The following MBD5 variants were observed in gnomAD, a reference collection of about 807,000 sequenced individuals.
The protein encoded by MBD5 is methyl-CpG-binding domain protein 5.
MBD5 carries 13 observed loss-of-function variants against 117.3 expected under a neutral mutation model. The observed-to-expected ratio is 0.11, with a 90% confidence interval of 0.07 to 0.18. The LOEUF (loss-of-function observed/expected upper bound fraction) is 0.18. Ranked by LOEUF, MBD5 falls within the 10% of genes least tolerant of loss-of-function variation. The pLI is 1.00. For missense variants in MBD5, 1,879 were observed against 2,093.8 expected (o/e 0.90, Z 2.00); for synonymous variants, 727 against 766.4 (o/e 0.95, Z 0.85).
At chr2:148,381,158 T>G (rs149005508) in intron 4 of MBD5, among the ~76,000 whole-genome samples, 28,690 of 151,844 alleles carry the variant, frequency 0.19, 3,696 homozygotes, top group East Asian at 0.53. Flanking sequence ...CTTCAGAAGA[T>G]CAAACTACTC....
chr2:148,028,557 A>C (rs1693960856), intron 1 of MBD5: 1 of 152,064 alleles, frequency 6.6e-6, no homozygotes, highest in Non-Finnish European at 1.5e-5. Flanking sequence ...TTGGCCATCA[A>C]CTAACTTAAT....
chr2:148,497,056 A>G (rs1222154254), intron 11 of MBD5, among the ~76,000 whole-genome samples: 1 of 151,526 alleles, frequency 6.6e-6, no homozygotes, highest in African/African-American at 2.4e-5. Context: ...TTTTAAAAAC[A>G]TATATATTAT....
At chr2:148,479,804 T>C (rs1681092048) in intron 8 of MBD5, among the ~76,000 whole-genome samples, 1 of 151,718 alleles carries the variant, frequency 6.6e-6, no homozygotes, top group Non-Finnish European at 1.5e-5. Flanking sequence ...CCAAATATTA[T>C]ACCACTTGAC....
intron 3 of MBD5, among the ~76,000 whole-genome samples, chr2:148,327,186 G>T (rs576104969): frequency 7.9e-5 from 12 of 152,206 alleles, no homozygotes; most frequent in African/African-American, 2.7e-4. Flanking sequence ...CTGGCTTGTA[G>T]AGTTTCTGCC....
chr2:148,343,387 G>A (rs1466294286), intron 4 of MBD5, among the ~76,000 whole-genome samples: 15 of 151,968 alleles, frequency 9.9e-5, no homozygotes, highest in African/African-American at 1.4e-4. Context: ...TTACATTCCC[G>A]CCAACAGTAT....
chr2:148,303,755 A>G (rs1056283542), intron 3 of MBD5, among the ~76,000 whole-genome samples: 2 of 152,272 alleles, frequency 1.3e-5, no homozygotes, highest in Non-Finnish European at 2.9e-5. Context: ...ACATCACAAT[A>G]TACAGCATGT....
At chr2:148,400,473 T>C (rs1158480542) in intron 4 of MBD5, among the ~76,000 whole-genome samples, 1 of 152,238 alleles carries the variant, frequency 6.6e-6, no homozygotes, top group Non-Finnish European at 1.5e-5. Flanking sequence ...AAACTGGTTA[T>C]AATGAGATCC....
At chr2:148,239,874 T>G (rs1293785209) in intron 3 of MBD5, among the ~76,000 whole-genome samples, 5 of 152,152 alleles carry the variant, frequency 3.3e-5, no homozygotes, top group Non-Finnish European at 5.9e-5. Context: ...ATTTTTCGAT[T>G]TTTTGTAGAA....
intron 1 of MBD5, among the ~76,000 whole-genome samples, chr2:148,093,258 G>A (rs1018870428): frequency 2.0e-5 from 3 of 152,104 alleles, no homozygotes; most frequent in Non-Finnish European, 4.4e-5. Context: ...TATGCAAACA[G>A]GCAACTTACA....
intron 1 of MBD5, among the ~76,000 whole-genome samples, chr2:148,135,342 A>C (rs1697146559): frequency 6.6e-6 from 1 of 152,178 alleles, no homozygotes; most frequent in Non-Finnish European, 1.5e-5. Flanking sequence ...TTCCCCCTGA[A>C]GATTTCCCTC....
chr2:148,326,081 A>C (rs1460959663), intron 3 of MBD5, among the ~76,000 whole-genome samples: 1 of 151,976 alleles, frequency 6.6e-6, no homozygotes, highest in African/African-American at 2.4e-5. Flanking sequence ...TTCTGCCTTC[A>C]TTTCGTTATG....
At chr2:148,098,542 C>T (rs974545547) in intron 1 of MBD5, among the ~76,000 whole-genome samples, 1 of 151,996 alleles carries the variant, frequency 6.6e-6, no homozygotes, top group African/African-American at 2.4e-5. Flanking sequence ...TGACGGAGCC[C>T]GGTGGACAGT....
Position 148,516,101 on chromosome 2 carries a change from A to G in MBD5, c.*3160A>G, listed in dbSNP as rs1357059299. The G allele has an allele frequency of 6.6e-6, 1 of 152,154 alleles. No individual in the cohort carries two copies. The highest frequency in any genetic ancestry group is 1.5e-5 in the Non-Finnish European group (1 of 68,026). The allele number at this position is 152,154 out of a possible 1,614,324, so 9.4% of individuals were successfully genotyped here. On this transcript the variant is annotated 3_prime_UTR_variant, in exon 14 of 14. Transcript: ENST00000642680. ...TTCTTATTTGAACGTAACACTGCAG[A>G]ATTGCAGGAAGAGAAAAGGGCAGTT...
chr2:148,472,820 T>G (rs1680839031), intron 8 of MBD5, among the ~76,000 whole-genome samples: 1 of 152,178 alleles, frequency 6.6e-6, no homozygotes, highest in Non-Finnish European at 1.5e-5. Context: ...GTCAAGTACC[T>G]TTTATGTACC....
At chr2:148,228,666 A>G (rs1699902483) in intron 2 of MBD5, among the ~76,000 whole-genome samples, 1 of 152,184 alleles carries the variant, frequency 6.6e-6, no homozygotes, top group Admixed American at 6.5e-5. Context: ...GTTGATTGGA[A>G]TAGTTTCAGA....
chr2:148,265,461 T>C (rs1408344232), intron 3 of MBD5, among the ~76,000 whole-genome samples: 1 of 152,200 alleles, frequency 6.6e-6, no homozygotes, highest in African/African-American at 2.4e-5. Flanking sequence ...TCCATGGATG[T>C]ATCATAATTT....
intron 3 of MBD5, among the ~76,000 whole-genome samples, chr2:148,305,081 A>T (rs971532596): frequency 2.0e-5 from 3 of 152,034 alleles, no homozygotes; most frequent in Non-Finnish European, 4.4e-5. Flanking sequence ...AAAAAAATAA[A>T]ATAAAATAAA....
intron 2 of MBD5, among the ~76,000 whole-genome samples, chr2:148,211,697 G>T (rs1034436933): frequency 1.3e-5 from 2 of 151,968 alleles, no homozygotes; most frequent in South Asian, 4.2e-4. Context: ...AACTCATCTT[G>T]ATGGCTTATT....
chr2:148,044,165 G>C (rs1694452642), intron 1 of MBD5, among the ~76,000 whole-genome samples: 1 of 152,154 alleles, frequency 6.6e-6, no homozygotes, highest in African/African-American at 2.4e-5. Context: ...TTTAAAAACT[G>C]CTTGAAAATA....
Sources: allele counts gnomAD v4.1 joint callset (sites outside exome capture counted in the v4.1 genomes callset), GRCh38; gene constraint gnomAD v4.1.1; transcripts MANE v1.5; gene names NCBI Gene and HGNC (gene_info 2026-07-23, HGNC 2026-07-21).